The following BBS12 variants were observed in gnomAD, a reference collection of about 807,000 sequenced individuals.
The protein encoded by BBS12 is Bardet-Biedl syndrome 12.
A neutral mutation model predicts 5.6 loss-of-function variants in BBS12; 5 were observed. The observed-to-expected ratio is 0.89, with a 90% CI of 0.46 to 1.86. BBS12 has a LOEUF of 1.86. Ranked by LOEUF, BBS12 falls within the 40% of genes most tolerant of loss-of-function variation. The pLI, the probability that BBS12 is intolerant of heterozygous loss-of-function variation, is 0.01. For missense variants in BBS12, 748 were observed against 830.4 expected (o/e 0.90, Z 1.22); for synonymous variants, 308 against 306.8 (o/e 1.00, Z -0.04).
chr4:122,714,236 G>A, the BBS12 span, among the ~76,000 whole-genome samples: 24 of 152,230 alleles, frequency 1.6e-4, no homozygotes, highest in South Asian at 4.1e-3. Context: ...CCTACAAGGC[G>A]GCAAAAGGGG....
chr4:122,725,395 G>T, the BBS12 span, among the ~76,000 whole-genome samples: 2 of 152,134 alleles, frequency 1.3e-5, no homozygotes, highest in African/African-American at 4.8e-5. Context: ...ACAACAGCAT[G>T]GTACTGGTAT....
At chr4:122,717,081 G>A in the BBS12 span, among the ~76,000 whole-genome samples, 1 of 152,158 alleles carries the variant, frequency 6.6e-6, no homozygotes, top group Admixed American at 6.5e-5. Context: ...ATTCCAGTGG[G>A]TAAGCCAAAG....
the BBS12 span, among the ~76,000 whole-genome samples, chr4:122,706,738 A>G: frequency 6.6e-6 from 1 of 152,188 alleles, no homozygotes; most frequent in Non-Finnish European, 1.5e-5. Context: ...CTTTTGGAAG[A>G]ATCTCTAGTT....
At chr4:122,715,900 A>G in the BBS12 span, among the ~76,000 whole-genome samples, 3 of 152,168 alleles carry the variant, frequency 2.0e-5, no homozygotes, top group Non-Finnish European at 4.4e-5. Context: ...TTTTTCCCAA[A>G]CTGACTTTTA....
Position 122,743,913 on chromosome 4 carries a change from G to A in BBS12, c.2021G>A (p.Arg674His), listed in dbSNP as rs766952842. The part of the protein sequence containing the change: ...DVVTPKIEAW[R>H]RALDLVLLVL... ...GTTACACCAAAGATTGAGGCGTGGC[G>A]CCGAGCATTGGATTTAGTATTGTTA... is the stretch of plus-strand genomic sequence containing the variant. Residue 674 changes from arginine (R) to histidine (H), a missense_variant, in exon 2 of 2, where the codon CGC (arginine) becomes CAC (histidine). Arg to His is a conservative substitution (Grantham distance 29). Transcript: ENST00000314218. 5.8e-5 allele frequency: 93 copies of A among 1,607,006 alleles called. No individual in the cohort carries two copies. Among genetic ancestry groups the A allele is most frequent in the Middle Eastern group, 1.7e-4 (1 of 6,040 alleles).
intron 1 of BBS12, among the ~76,000 whole-genome samples, chr4:122,733,474 A>T (rs922331034): frequency 2.6e-5 from 4 of 150,990 alleles, no homozygotes; most frequent in Non-Finnish European, 5.9e-5. Context: ...GTTGTCAACG[A>T]TATCAACTTG....
the BBS12 span, among the ~76,000 whole-genome samples, chr4:122,707,076 T>C: frequency 6.3e-5 from 9 of 143,704 alleles, no homozygotes; most frequent in African/African-American, 1.9e-4. Context: ...TTTTTTTTTT[T>C]CAGAGAGAGA....
At chr4:122,707,673 A>G in the BBS12 span, among the ~76,000 whole-genome samples, 2 of 152,102 alleles carry the variant, frequency 1.3e-5, no homozygotes, top group Non-Finnish European at 2.9e-5. Flanking sequence ...CTCCACCCCT[A>G]GCCAGGCCAG....
the BBS12 span, among the ~76,000 whole-genome samples, chr4:122,725,897 CA>C: frequency 0.081 from 4,240 of 52,408 alleles, 51 homozygotes; most frequent in African/African-American, 0.16. Flanking sequence ...GACTCTGTCT[CA>C]AAAAAAAAAA....
At chr4:122,727,051 C>T in the BBS12 span, among the ~76,000 whole-genome samples, 1 of 151,976 alleles carries the variant, frequency 6.6e-6, no homozygotes, top group Non-Finnish European at 1.5e-5. Context: ...AGAACTTACT[C>T]ATATAACCAA....
the BBS12 span, among the ~76,000 whole-genome samples, chr4:122,709,530 G>T: frequency 6.6e-6 from 1 of 152,148 alleles, no homozygotes; most frequent in East Asian, 1.9e-4. Context: ...ATTCTAATAG[G>T]TTACTCAGTG....
Position 122,743,601 on chromosome 4 carries a change from A to C in BBS12, c.1709A>C (p.His570Pro), listed in dbSNP as rs770047331. The change falls in exon 2 of 2, where the codon CAT becomes CCT. Residue 570 changes from histidine (H) to proline (P), a missense_variant. Transcript: ENST00000314218. ...AACCATGCCTGCTCAGGGTGGCTGC[A>C]TAATACTTCCTCTTGGCTGGCTTCA... Reference protein sequence around the residue: ...KENHACSGWLHNTSSWLASSL... With the variant: ...KENHACSGWLPNTSSWLASSL... 10 of 1,614,230 alleles carry C rather than the reference A, an allele frequency of 6.2e-6. No homozygotes were observed. Among genetic ancestry groups the C allele is most frequent in the Non-Finnish European group, 8.5e-6 (10 of 1,180,034 alleles).
intron 1 of BBS12, among the ~76,000 whole-genome samples, chr4:122,737,949 T>G (rs1800807978): frequency 1.3e-5 from 2 of 152,246 alleles, no homozygotes; most frequent in Non-Finnish European, 2.9e-5. Flanking sequence ...CAAATGGTAC[T>G]GGGACAATTG....
chr4:122,727,544 A>ATTTTTTTTTTTTTTTTTTT, the BBS12 span, among the ~76,000 whole-genome samples: 495 of 82,278 alleles, frequency 6.0e-3, 118 homozygotes, highest in Middle Eastern at 0.019. Flanking sequence ...CCCCTGGCCA[A>ATTTTTTTTTTTTTTTTTTT]TTTTTTTTTT....
the BBS12 span, among the ~76,000 whole-genome samples, chr4:122,727,544 ATTT>A: frequency 2.9e-4 from 24 of 82,284 alleles, no homozygotes; most frequent in East Asian, 1.9e-3. Context: ...CCCCTGGCCA[ATTT>A]TTTTTTTTTT....
At chr4:122,719,131 C>T in the BBS12 span, among the ~76,000 whole-genome samples, 3 of 152,122 alleles carry the variant, frequency 2.0e-5, no homozygotes, top group Non-Finnish European at 4.4e-5. Context: ...TCTTTAGTTT[C>T]ATATGCCCAA....
chr4:122,716,693 A>G, the BBS12 span, among the ~76,000 whole-genome samples: 5,516 of 73,280 alleles, frequency 0.075, 694 homozygotes, highest in East Asian at 0.19. Flanking sequence ...ACATATGTGT[A>G]TGTGTGTGTA....
At chr4:122,729,279 A>T (rs544119329), upstream of BBS12, 1 of 152,452 alleles carries the variant, frequency 6.6e-6, no homozygotes, top group East Asian at 1.9e-4. Context: ...AGTTCAGCAC[A>T]GGCTCTGTGG....
At chr4:122,709,053 G>A in the BBS12 span, among the ~76,000 whole-genome samples, 3 of 152,216 alleles carry the variant, frequency 2.0e-5, no homozygotes, top group South Asian at 6.2e-4. Flanking sequence ...TTTTATGAGT[G>A]TCTGTGTAGA....
Sources: gnomAD v4.1 joint callset for allele counts (sites outside exome capture counted in the v4.1 genomes callset) on GRCh38, gnomAD v4.1.1 for gene constraint, MANE v1.5 for transcripts, NCBI Gene and HGNC (gene_info 2026-07-23, HGNC 2026-07-21) for gene names.